The following LRMDA variants were observed in gnomAD, a reference collection of about 807,000 sequenced individuals.
LRMDA encodes the protein leucine-rich melanocyte differentiation-associated protein.
In LRMDA, 18 loss-of-function variants were observed where a neutral mutation model predicts 29.8. That is an observed-to-expected ratio of 0.60 (90% CI 0.42 to 0.90). The LOEUF (loss-of-function observed/expected upper bound fraction) is 0.90. Ranked by LOEUF, LRMDA falls within the 40% of genes least tolerant of loss-of-function variation. LRMDA has a pLI of 0.00. For missense variants in LRMDA, 273 were observed against 273.9 expected (o/e 1.00, Z 0.02); for synonymous variants, 125 against 109.4 (o/e 1.14, Z -0.89).
intron 3 of LRMDA, among the ~76,000 whole-genome samples, chr10:76,043,054 A>G (rs1440778924): frequency 6.6e-6 from 1 of 152,118 alleles, no homozygotes; most frequent in South Asian, 2.1e-4. Context: ...CCCAGGAGGC[A>G]GAGGTTGCAG....
At chr10:75,956,770 G>C (rs1162434396) in intron 2 of LRMDA, among the ~76,000 whole-genome samples, 1 of 152,196 alleles carries the variant, frequency 6.6e-6, no homozygotes, top group East Asian at 1.9e-4. Flanking sequence ...AGCACAGCCA[G>C]CTTCCTTTTT....
At chr10:76,031,045 C>T (rs1848140050) in intron 2 of LRMDA, among the ~76,000 whole-genome samples, 2 of 152,128 alleles carry the variant, frequency 1.3e-5, no homozygotes, top group South Asian at 4.1e-4. Flanking sequence ...ACTATTTCTG[C>T]TCTCAAGGTA....
At chr10:75,621,895 A>G (rs1472058379) in intron 2 of LRMDA, among the ~76,000 whole-genome samples, 2 of 152,174 alleles carry the variant, frequency 1.3e-5, no homozygotes, top group Non-Finnish European at 2.9e-5. Flanking sequence ...GGTGTGGGCT[A>G]TTATTCTTCT....
intron 5 of LRMDA, among the ~76,000 whole-genome samples, chr10:76,150,811 G>A (rs1850426468): frequency 6.6e-6 from 1 of 152,194 alleles, no homozygotes; most frequent in Admixed American, 6.5e-5. Context: ...TGAGGACCAA[G>A]GCAGAGCTAA....
At chr10:76,386,644 T>G (rs1367633580) in intron 6 of LRMDA, among the ~76,000 whole-genome samples, 4 of 152,192 alleles carry the variant, frequency 2.6e-5, no homozygotes, top group African/African-American at 9.7e-5. Flanking sequence ...TGAAAAACTG[T>G]GAATAGGGCC....
chr10:76,312,323 TAATA>T (rs984830888), intron 5 of LRMDA, among the ~76,000 whole-genome samples: 2 of 152,188 alleles, frequency 1.3e-5, no homozygotes, highest in African/African-American at 2.4e-5. Context: ...TGTCATCTCC[TAATA>T]AATTTCTTGC....
At chr10:75,586,019 T>A (rs973627849) in intron 2 of LRMDA, among the ~76,000 whole-genome samples, 7 of 152,218 alleles carry the variant, frequency 4.6e-5, no homozygotes, top group African/African-American at 1.7e-4. Context: ...CCCTTTTTTT[T>A]AAGGGTGGGT....
chr10:75,863,109 CGTTAT>C (rs1844960443), intron 2 of LRMDA, among the ~76,000 whole-genome samples: 3 of 152,018 alleles, frequency 2.0e-5, no homozygotes, highest in South Asian at 2.1e-4. Flanking sequence ...TAGTTGTGGT[CGTTAT>C]GTTATATTTA....
intron 2 of LRMDA, among the ~76,000 whole-genome samples, chr10:75,524,967 A>G (rs1845397719): frequency 6.6e-6 from 1 of 152,162 alleles, no homozygotes; most frequent in Non-Finnish European, 1.5e-5. Flanking sequence ...AGTTAGGGGT[A>G]TGTATGAATT....
chr10:75,724,606 C>T lies in LRMDA; in HGVS notation c.131+286112C>T, dbSNP rs542612089. Among the ~76,000 whole-genome samples the T allele has an allele frequency of 4.6e-5, 7 of 152,092 alleles. No individual in the cohort carries two copies. The South Asian group carries it at 8.3e-4, about 18-fold the overall frequency. On this transcript the variant is annotated intron_variant, in intron 2 of 6. Coordinates refer to ENST00000611255, the MANE Select transcript of LRMDA (RefSeq NM_001305581.2). Reference sequence around the variant, plus strand: ...AGAGGCCCCCACACCTTTGTCTTGCCGGCTTTTCTGTTCTTCCTCACTTTG... The same window carrying T: ...AGAGGCCCCCACACCTTTGTCTTGCTGGCTTTTCTGTTCTTCCTCACTTTG...
chr10:75,714,217 G>T (rs947234874), intron 2 of LRMDA, among the ~76,000 whole-genome samples: 1 of 152,186 alleles, frequency 6.6e-6, no homozygotes, highest in Non-Finnish European at 1.5e-5. Context: ...GTTATCTATT[G>T]CATGGAGCTC....
At chr10:76,374,662 T>C (rs1472203413) in intron 6 of LRMDA, among the ~76,000 whole-genome samples, 1 of 152,206 alleles carries the variant, frequency 6.6e-6, no homozygotes, top group Admixed American at 6.5e-5. Flanking sequence ...CTTGATTGCT[T>C]TCTGAAACTG....
chr10:75,495,350 C>G (rs1236649305), intron 2 of LRMDA, among the ~76,000 whole-genome samples: 4 of 151,736 alleles, frequency 2.6e-5, no homozygotes, highest in Admixed American at 2.6e-4. Context: ...TTTTCTTCCC[C>G]TTTCAAGGTT....
chr10:75,438,376 G>C lies in LRMDA; in HGVS notation c.31-18G>C. 1 of 1,540,440 alleles carries C rather than the reference G, an allele frequency of 6.5e-7. No individual in the cohort carries two copies. The highest frequency in any genetic ancestry group is 1.2e-5 in the South Asian group (1 of 83,812). On this transcript the variant is annotated intron_variant, in intron 1 of 6. Transcript: ENST00000611255. ...GATTTCCATTTGCCACATTGTTTCT[G>C]TTCCATTTAATTTCCAGGTGTCCTA...
intron 2 of LRMDA, among the ~76,000 whole-genome samples, chr10:75,751,788 A>G (rs561037927): frequency 6.6e-6 from 1 of 152,202 alleles, no homozygotes; most frequent in African/African-American, 2.4e-5. Context: ...TTAATGGGTC[A>G]CACGTACTGA....
At chr10:76,278,438 C>A (rs1279718244) in intron 5 of LRMDA, among the ~76,000 whole-genome samples, 1 of 152,178 alleles carries the variant, frequency 6.6e-6, no homozygotes, top group Non-Finnish European at 1.5e-5. Context: ...ATTATCATCA[C>A]TCATGTCCCC....
At chr10:75,933,612 A>T (rs764157016) in intron 2 of LRMDA, among the ~76,000 whole-genome samples, 3 of 152,130 alleles carry the variant, frequency 2.0e-5, no homozygotes, top group Non-Finnish European at 4.4e-5. Context: ...CTGTCTGGTC[A>T]TGCATCTGCT....
At chr10:76,191,083 A>G (rs2132221318) in intron 5 of LRMDA, among the ~76,000 whole-genome samples, 1 of 152,206 alleles carries the variant, frequency 6.6e-6, no homozygotes, top group South Asian at 2.1e-4. Flanking sequence ...TTTCCAAGGG[A>G]ATTTGAAGAC....
intron 2 of LRMDA, among the ~76,000 whole-genome samples, chr10:75,768,567 C>T (rs1178042823): frequency 7.9e-5 from 12 of 152,152 alleles, no homozygotes; most frequent in Admixed American, 3.3e-4. Context: ...TACCATTTTC[C>T]GAGTCTCCAG....
Sources: allele counts gnomAD v4.1 joint callset (sites outside exome capture counted in the v4.1 genomes callset), GRCh38; gene constraint gnomAD v4.1.1; transcripts MANE v1.5; gene names NCBI Gene and HGNC (gene_info 2026-07-23, HGNC 2026-07-21).